The following SLC39A10 variants were observed in gnomAD, a reference collection of about 807,000 sequenced individuals.
SLC39A10 encodes zinc transporter ZIP10.
In SLC39A10, 13 loss-of-function variants were observed where a neutral mutation model predicts 65.1. That is an observed-to-expected ratio of 0.20 (90% confidence interval 0.13 to 0.32). The LOEUF (loss-of-function observed/expected upper bound fraction) is 0.32. Ranked by LOEUF, SLC39A10 falls within the 10% of genes least tolerant of loss-of-function variation. The pLI is 1.00. For missense variants in SLC39A10, 831 were observed against 1,018.4 expected (o/e 0.82, Z 2.50); for synonymous variants, 321 against 342.2 (o/e 0.94, Z 0.68).
chr2:195,716,873 C>A lies in SLC39A10; in HGVS notation c.1933C>A (p.His645Asn), dbSNP rs1559047584. The change falls in exon 7 of 10, where the codon CAC (histidine) becomes AAC (asparagine). Residue 645 changes from histidine (H) to asparagine (N), a missense_variant. Transcript: ENST00000359634. ...VLRKHNHQWH[H>N]KHSHHSHGPC... is the part of the protein sequence containing the mutation. The stretch of plus-strand genomic sequence containing the variant: ...GAGGAAGCATAATCACCAGTGGCAC[C>A]ACAAGCATTCTCATCATTCCCATGG... The A allele has an allele frequency of 6.2e-7, 1 of 1,614,166 alleles. No homozygotes were observed. Among genetic ancestry groups the A allele is most frequent in the Non-Finnish European group, 8.5e-7 (1 of 1,180,024 alleles).
intron 2 of SLC39A10, among the ~76,000 whole-genome samples, chr2:195,636,862 C>T (rs1404727411): frequency 1.6e-4 from 25 of 151,976 alleles, no homozygotes; most frequent in Admixed American, 1.6e-3. Flanking sequence ...ATGGAGAAAC[C>T]CCATCTCCAT....
At chr2:195,664,412 CTT>C (rs908842527) in intron 1 of SLC39A10, among the ~76,000 whole-genome samples, 43 of 151,520 alleles carry the variant, frequency 2.8e-4, no homozygotes, top group African/African-American at 9.9e-4. Flanking sequence ...GGAGAAAAAA[CTT>C]TTAAAATTTA....
Position 195,680,069 on chromosome 2 carries a change from T to A in SLC39A10, c.27T>A (p.Phe9Leu), listed in dbSNP as rs200661207. Residue 9 changes from phenylalanine (F) to leucine (L), a missense_variant, in exon 2 of 10, where the codon TTT (phenylalanine) becomes TTA (leucine). Phe to Leu is a conservative substitution (Grantham distance 22). Coordinates refer to ENST00000359634, the MANE Select transcript of SLC39A10 (RefSeq NM_020342.3). ...TGAAGGTACATATGCACACAAAATTTTGCCTCATTTGTTTGCTGACATTTA... is the reference window on the plus strand; with the variant it reads ...TGAAGGTACATATGCACACAAAATTATGCCTCATTTGTTTGCTGACATTTA... MKVHMHTK[F>L]CLICLLTFIF... 10 of 1,602,498 alleles carry A rather than the reference T, an allele frequency of 6.2e-6. No individual in the cohort carries two copies. In the Middle Eastern group the frequency reaches 1.0e-3, roughly 160 times the overall value.
intron 8 of SLC39A10, among the ~76,000 whole-genome samples, chr2:195,719,260 C>T (rs1327815859): frequency 6.6e-6 from 1 of 151,920 alleles, no homozygotes; most frequent in Non-Finnish European, 1.5e-5. Flanking sequence ...TTTCCTGATA[C>T]AACCCTTGTG....
At chr2:195,674,933 G>A (rs1456957587) in intron 1 of SLC39A10, among the ~76,000 whole-genome samples, 1 of 152,184 alleles carries the variant, frequency 6.6e-6, no homozygotes, top group African/African-American at 2.4e-5. Flanking sequence ...TGGTACACCA[G>A]TGTTGGGCAC....
At chr2:195,695,097 C>CCTTCCTCAGGAAGGTGGGGAGGCAACT (rs1690894995) in intron 3 of SLC39A10, among the ~76,000 whole-genome samples, 1 of 152,194 alleles carries the variant, frequency 6.6e-6, no homozygotes, top group Non-Finnish European at 1.5e-5. Context: ...CTTCCTGAGG[C>CCTTCCTCAGGAAGGTGGGGAGGCAACT]TCCACCCCAG....
At chr2:195,664,907 G>T (rs926405268) in intron 1 of SLC39A10, among the ~76,000 whole-genome samples, 4 of 152,192 alleles carry the variant, frequency 2.6e-5, no homozygotes, top group African/African-American at 9.7e-5. Context: ...AACAGGCTGG[G>T]TGCAGTGGCT....
chr2:195,635,552 G>T (rs151296119), intron 2 of SLC39A10, among the ~76,000 whole-genome samples: 1 of 152,166 alleles, frequency 6.6e-6, no homozygotes, highest in Non-Finnish European at 1.5e-5. Context: ...ACTAGAAGCC[G>T]TCTTCTTCAC....
intron 5 of SLC39A10, among the ~76,000 whole-genome samples, chr2:195,710,062 T>C (rs1691555082): frequency 6.6e-6 from 1 of 152,228 alleles, no homozygotes; most frequent in Non-Finnish European, 1.5e-5. Context: ...TTGGAGATGA[T>C]GCTTGACGCT....
chr2:195,671,964 T>A (rs1689878016), intron 1 of SLC39A10, among the ~76,000 whole-genome samples: 1 of 152,148 alleles, frequency 6.6e-6, no homozygotes, highest in African/African-American at 2.4e-5. Context: ...GTCATCTTTT[T>A]TTTTTTTAAT....
rs1251032612 is a variant in SLC39A10, at chr2:195,737,119, C to CTTTA, written c.*2082_*2085dup. On this transcript the variant is annotated 3_prime_UTR_variant, in exon 10 of 10. Coordinates refer to ENST00000359634, the MANE Select transcript of SLC39A10 (RefSeq NM_020342.3). Reference sequence around the variant, plus strand: ...TTCTCTCAAAAATGGTATTATCTTTCTTTATTTGCTAGATTCTTACAAATC... The same window carrying CTTTA: ...TTCTCTCAAAAATGGTATTATCTTTCTTTATTTATTTGCTAGATTCTTACAAATC... The CTTTA allele has an allele frequency of 1.3e-5, 2 of 152,644 alleles. No homozygotes were observed. Among genetic ancestry groups the CTTTA allele is most frequent in the East Asian group, 3.9e-4 (2 of 5,186 alleles). The allele number at this position is 152,644 out of a possible 1,614,324, so 9.5% of individuals were successfully genotyped here.
chr2:195,652,795 C>A (rs10931704), upstream of SLC39A10, among the ~76,000 whole-genome samples: 1 of 151,602 alleles, frequency 6.6e-6, no homozygotes, highest in Admixed American at 6.6e-5. Flanking sequence ...GGGTGCATGG[C>A]CTGTTAGGAA....
chr2:195,649,053 T>C (rs1574220249), intron 2 of SLC39A10, among the ~76,000 whole-genome samples: 1 of 152,276 alleles, frequency 6.6e-6, no homozygotes, highest in Admixed American at 6.5e-5. Flanking sequence ...CCAAGCATGA[T>C]GGGTCGCTAA....
chr2:195,713,467 A>G lies in SLC39A10; in HGVS notation c.1610A>G (p.Glu537Gly). 6.3e-7 allele frequency: 1 copy of G among 1,578,598 alleles called. No homozygotes were observed. Among genetic ancestry groups the G allele is most frequent in the Non-Finnish European group, 8.5e-7 (1 of 1,170,180 alleles). The change falls in exon 6 of 10, where the codon GAA becomes GGA. Residue 537 changes from glutamate (E) to glycine (G), a missense_variant. By Grantham distance (98) the Glu-to-Gly change is moderately conservative (BLOSUM62 -2). Around this residue, in one of 4 missense-constraint regions of SLC39A10, gnomAD observed 230 missense variants for 242.9 expected, o/e 0.95. Coordinates refer to ENST00000359634, the MANE Select transcript of SLC39A10 (RefSeq NM_020342.3). Reference protein sequence around the residue: ...KQKWFMKQNTEESTIGRKLSD... With the variant: ...KQKWFMKQNTGESTIGRKLSD... ...AAATGGTTTATGAAACAGAACACAG[A>G]AGAATCAACTATTGGAAGAAAGCTT...
intron 5 of SLC39A10, 150 bp from the exon 6 acceptor site, chr2:195,713,282 TC>T: frequency 1.7e-6 from 1 of 575,516 alleles, no homozygotes; most frequent in Non-Finnish European, 2.7e-6. Flanking sequence ...ATTGCTTTAC[TC>T]CCAAGAATTT....
In SLC39A10 at chr2:195,698,729, A is replaced by G. The variant is rs148407355; in HGVS notation, c.1217-7887A>G. ...TTGCTAGTTTTTTTTTTCTTTGACA[A>G]TTTTTACATCTGTGTTCATAAGGGA... On this transcript the variant is annotated intron_variant, in intron 3 of 9. Transcript: ENST00000359634. 3.0e-3 allele frequency among the ~76,000 whole-genome samples: 451 copies of G among 150,726 alleles called. 3 individuals carry two copies. Among genetic ancestry groups the G allele is most frequent in the African/African-American group, 0.011 (434 of 41,134 alleles).
chr2:195,632,978 T>C (rs1688620406), intron 2 of SLC39A10, among the ~76,000 whole-genome samples: 2 of 152,228 alleles, frequency 1.3e-5, no homozygotes, highest in African/African-American at 2.4e-5. Context: ...CTTGTAGAGA[T>C]AGGAACTTGG....
intron 8 of SLC39A10, among the ~76,000 whole-genome samples, chr2:195,722,069 A>T (rs902030140): frequency 6.6e-6 from 1 of 152,192 alleles, no homozygotes; most frequent in East Asian, 1.9e-4. Context: ...TTGATACCCA[A>T]TGCAGAGCTC....
At chr2:195,630,424 G>T (rs1314922313) in intron 2 of SLC39A10, among the ~76,000 whole-genome samples, 1 of 152,168 alleles carries the variant, frequency 6.6e-6, no homozygotes, top group Non-Finnish European at 1.5e-5. Flanking sequence ...CAAGTATTCC[G>T]CTATTCGGAA....
Sources: gnomAD v4.1 joint callset for allele counts (sites outside exome capture counted in the v4.1 genomes callset) on GRCh38, gnomAD v4.1.1 for gene constraint, gnomAD v4.1.1 regional missense constraint, MANE v1.5 for transcripts, NCBI Gene and HGNC (gene_info 2026-07-23, HGNC 2026-07-21) for gene names.